The following FANK1 variants were observed in gnomAD, a reference collection of about 807,000 sequenced individuals.
FANK1 encodes fibronectin type 3 and ankyrin repeat domains protein 1.
Under a neutral mutation model 45.3 loss-of-function variants are expected in FANK1, and 44 were observed. That is an observed-to-expected ratio of 0.97 (90% CI 0.76 to 1.25). The LOEUF (loss-of-function observed/expected upper bound fraction) is 1.25, where lower values mean the gene tolerates loss of function less well. FANK1 is among the 50% of genes most tolerant of loss of function. The pLI is 0.00. For missense variants in FANK1, 391 were observed against 424.4 expected (o/e 0.92, Z 0.69); for synonymous variants, 149 against 152.5 (o/e 0.98, Z 0.17).
intron 1 of FANK1, among the ~76,000 whole-genome samples, chr10:125,911,856 C>T (rs1470788931): frequency 6.6e-6 from 1 of 152,084 alleles, no homozygotes; most frequent in Admixed American, 6.5e-5. Context: ...CACTGCATAC[C>T]TTTGTGTCCT....
At position 125,985,311 on chromosome 10, in the gene FANK1, T is replaced by C. The variant is rs565391541; in HGVS notation, c.192-3240T>C. 5.9e-5 allele frequency among the ~76,000 whole-genome samples: 9 copies of C among 152,332 alleles called. No homozygotes were observed. In the South Asian group the frequency reaches 1.9e-3, roughly 32 times the overall value. ...AAAGATCTTTTCAGATGCCACACAT[T>C]ATTGAGGGCTCAGTTTCTATGACTC... is the stretch of plus-strand genomic sequence containing the variant. On this transcript the variant is annotated intron_variant, in intron 2 of 10. Coordinates refer to ENST00000368693, the MANE Select transcript of FANK1 (RefSeq NM_145235.5).
At chr10:125,999,248 G>A (rs1590227044) in intron 6 of FANK1, among the ~76,000 whole-genome samples, 1 of 137,184 alleles carries the variant, frequency 7.3e-6, no homozygotes. Context: ...CCTCCAGATT[G>A]GAGTGCAGTG....
chr10:125,993,836 T>C (rs1564957351), intron 3 of FANK1, among the ~76,000 whole-genome samples: 1 of 152,180 alleles, frequency 6.6e-6, no homozygotes, highest in Non-Finnish European at 1.5e-5. Context: ...GCAGACAAAA[T>C]TGTTATTTCA....
At chr10:125,934,723 C>CG (rs1564888154) in intron 1 of FANK1, among the ~76,000 whole-genome samples, 1 of 118,370 alleles carries the variant, frequency 8.4e-6, no homozygotes, top group African/African-American at 3.3e-5. Flanking sequence ...GTACCCCTAC[C>CG]GTTTTTTTTT....
chr10:125,965,431 TTGGCTTTTC>T (rs1950156115), intron 1 of FANK1, among the ~76,000 whole-genome samples: 1 of 152,254 alleles, frequency 6.6e-6, no homozygotes, highest in Non-Finnish European at 1.5e-5. Context: ...ATATAACAAT[TTGGCTTTTC>T]TTATCTGATT....
intron 1 of FANK1, among the ~76,000 whole-genome samples, chr10:125,929,624 CCTGT>C (rs1286615170): frequency 6.6e-6 from 1 of 152,066 alleles, no homozygotes; most frequent in South Asian, 2.1e-4. Context: ...TCACATGTAG[CCTGT>C]CTATCTGGAA....
chr10:125,897,616 G>A (rs1944661779), intron 1 of FANK1, among the ~76,000 whole-genome samples: 3 of 152,408 alleles, frequency 2.0e-5, no homozygotes, highest in African/African-American at 7.2e-5. Context: ...CACCAAGAAA[G>A]TTTCAAATAC....
chr10:125,982,550 T>G (rs1420141722), intron 2 of FANK1, among the ~76,000 whole-genome samples: 1 of 152,276 alleles, frequency 6.6e-6, no homozygotes, highest in Non-Finnish European at 1.5e-5. Flanking sequence ...TTTTGCTTCC[T>G]TATTTCTTTC....
chr10:125,943,973 C>T (rs1187937063), intron 1 of FANK1, among the ~76,000 whole-genome samples: 1 of 152,226 alleles, frequency 6.6e-6, no homozygotes, highest in Non-Finnish European at 1.5e-5. Flanking sequence ...ATCTTCACGT[C>T]TTCTAAAAGT....
chr10:125,913,083 C>A (rs1946156607), intron 1 of FANK1, among the ~76,000 whole-genome samples: 1 of 152,124 alleles, frequency 6.6e-6, no homozygotes. Context: ...TTTTTGTTTC[C>A]TGAAAACAGA....
intron 6 of FANK1, chr10:126,004,565 C>G (rs1311273796): frequency 7.9e-6 from 2 of 254,574 alleles, no homozygotes; most frequent in Non-Finnish European, 1.5e-5. Flanking sequence ...CCTGCTAGTT[C>G]TGTCTTGCAG....
chr10:125,973,402 A>C, intron 1 of FANK1: 1 of 984,862 alleles, frequency 1.0e-6, no homozygotes, highest in Non-Finnish European at 1.2e-6. Flanking sequence ...TTTGTTCAAC[A>C]CTGATGTCGT....
At position 125,980,153 on chromosome 10, in the gene FANK1, T is replaced by G; in HGVS notation, c.14-8T>G. On this transcript the variant is annotated splice_polypyrimidine_tract_variant and splice_region_variant and intron_variant, in intron 1 of 10. Transcript: ENST00000368693. ...GGTCCTGAAGTTCGGTGTCATTCTT[T>G]TTTTTAGAAATCATGCCACCCTCAA... 1 of 1,606,566 alleles carries G rather than the reference T, an allele frequency of 6.2e-7. No homozygotes were observed. Among genetic ancestry groups the G allele is most frequent in the Non-Finnish European group, 8.5e-7 (1 of 1,177,324 alleles).
intron 1 of FANK1, among the ~76,000 whole-genome samples, chr10:125,939,101 G>T (rs1054143178): frequency 2.0e-5 from 3 of 152,088 alleles, no homozygotes; most frequent in South Asian, 2.1e-4. Context: ...ATATAATTAT[G>T]CACATACAAT....
chr10:125,994,378 G>C lies in FANK1; in HGVS notation c.317-1039G>C, dbSNP rs146146099. 6.7e-3 allele frequency: 6,581 copies of C among 985,284 alleles called. 28 individuals are homozygous for C. Among genetic ancestry groups the C allele is most frequent in the Non-Finnish European group, 7.6e-3 (6,270 of 829,834 alleles). The allele number at this position is 985,284 out of a possible 1,614,324, so 61.0% of individuals were successfully genotyped here. A position where few individuals can be genotyped will look rare whatever the true frequency, so the allele number is the denominator to read the frequency against. On this transcript the variant is annotated intron_variant, in intron 3 of 10. Coordinates refer to ENST00000368693, the MANE Select transcript of FANK1 (RefSeq NM_145235.5). ...AGGACTTGGCATGTACATTACTTAG[G>C]TTTGTTGAATGAATAAATGAGACCT...
intron 1 of FANK1, among the ~76,000 whole-genome samples, chr10:125,899,694 C>G (rs1944878387): frequency 6.6e-6 from 1 of 152,188 alleles, no homozygotes. Context: ...ATAATGGAAG[C>G]ACTACAGACG....
chr10:125,947,755 C>A (rs1948915073), intron 1 of FANK1, among the ~76,000 whole-genome samples: 1 of 139,716 alleles, frequency 7.2e-6, no homozygotes, highest in African/African-American at 2.6e-5. Context: ...AGCTCTGCAC[C>A]AAGTGGACCT....
intron 1 of FANK1, among the ~76,000 whole-genome samples, chr10:125,945,238 G>C (rs377735755): frequency 7.2e-5 from 11 of 152,284 alleles, no homozygotes; most frequent in Non-Finnish European, 1.0e-4. Flanking sequence ...AAAACAACTG[G>C]GGGGAGGAGC....
At chr10:125,939,364 G>T (rs1948303108) in intron 1 of FANK1, among the ~76,000 whole-genome samples, 1 of 152,186 alleles carries the variant, frequency 6.6e-6, no homozygotes, top group African/African-American at 2.4e-5. Context: ...GCTTTTCAGT[G>T]TAATGGTATT....
Sources: gnomAD v4.1 joint callset for allele counts (sites outside exome capture counted in the v4.1 genomes callset) on GRCh38, gnomAD v4.1.1 for gene constraint, MANE v1.5 for transcripts, NCBI Gene and HGNC (gene_info 2026-07-23, HGNC 2026-07-21) for gene names.